ORC4: variants seen among roughly 807,000 people sequenced by gnomAD.
ORC4 encodes the protein origin recognition complex, subunit 4 homolog.
Under a neutral mutation model 63.9 loss-of-function variants are expected in ORC4, and 55 were observed. The ratio of observed to expected loss-of-function variants is 0.86; its 90% CI spans 0.69 to 1.08. ORC4 has a LOEUF of 1.08. Ranked by LOEUF, ORC4 falls within the 50% of genes least tolerant of loss-of-function variation. The pLI is 0.00. For missense variants in ORC4, 511 were observed against 504.4 expected (o/e 1.01, Z -0.13); for synonymous variants, 150 against 168.5 (o/e 0.89, Z 0.85).
intron 10 of ORC4, 79 bp from the exon 11 acceptor site, chr2:147,939,327 G>A (rs1688238513): frequency 2.4e-6 from 2 of 837,338 alleles, no homozygotes; most frequent in Non-Finnish European, 4.1e-6. Context: ...TTCTGAATTT[G>A]TATAGTTAAT....
At position 147,930,879 on chromosome 2, in the gene ORC4, A is replaced by C. The variant is rs1331758691; in HGVS notation, c.*4631T>G. 1 of 149,562 alleles carries C rather than the reference A, an allele frequency of 6.7e-6. No individual in the cohort carries two copies. The highest frequency in any genetic ancestry group is 1.5e-5 in the Non-Finnish European group (1 of 67,388). The allele number at this position is 149,562 out of a possible 1,614,324, so 9.3% of individuals were successfully genotyped here. On this transcript the variant is annotated 3_prime_UTR_variant, in exon 14 of 14. Transcript: ENST00000392857. ...ATGTTTTTTTTTTTTTTTATACTTT[A>C]AGTTTTAGGGTACATGTGCACATTG...
At chr2:147,978,348 T>C (rs1673041778) in intron 1 of ORC4, among the ~76,000 whole-genome samples, 2 of 152,128 alleles carry the variant, frequency 1.3e-5, no homozygotes, top group Non-Finnish European at 2.9e-5. Flanking sequence ...GGGACAGAGA[T>C]TGGCAAGTCT....
At chr2:147,970,503 A>C (rs1573813485) in intron 4 of ORC4, among the ~76,000 whole-genome samples, 1 of 152,174 alleles carries the variant, frequency 6.6e-6, no homozygotes, top group African/African-American at 2.4e-5. Context: ...AAGGGAATAG[A>C]AAGAGAACCT....
At chr2:147,952,633 C>A in intron 7 of ORC4, 109 bp from the exon 8 acceptor site, 1 of 826,718 alleles carries the variant, frequency 1.2e-6, no homozygotes, top group Admixed American at 2.0e-5. Context: ...TGTAAACATT[C>A]TGATAGCCTA....
At chr2:147,994,959 G>T (rs1558869104) in intron 1 of ORC4, among the ~76,000 whole-genome samples, 2 of 152,310 alleles carry the variant, frequency 1.3e-5, no homozygotes, top group South Asian at 4.1e-4. Flanking sequence ...GTCGAGTGGG[G>T]ACTTGGACAA....
chr2:147,987,459 A>G (rs984599178), intron 1 of ORC4, among the ~76,000 whole-genome samples: 2 of 151,396 alleles, frequency 1.3e-5, no homozygotes, highest in Non-Finnish European at 2.9e-5. Flanking sequence ...ACCATAAGGT[A>G]AAAAACAAAA....
rs886495609 is a variant in ORC4, at chr2:147,931,656, G to A, written c.*3854C>T. On this transcript the variant is annotated 3_prime_UTR_variant, in exon 14 of 14. Coordinates refer to ENST00000392857, the MANE Select transcript of ORC4 (RefSeq NM_181741.4). ...GGGATGCAAGGCTGGTTCAATATAC[G>A]CAAATCAATGAATGTAATCCAGCAT... The A allele has an allele frequency of 1.3e-5, 2 of 152,032 alleles. No individual in the cohort carries two copies. Among genetic ancestry groups the A allele is most frequent in the East Asian group, 1.9e-4 (1 of 5,184 alleles). The allele number at this position is 152,032 out of a possible 1,614,324, so 9.4% of individuals were successfully genotyped here.
chr2:148,021,308 G>T, upstream of ORC4: 1 of 394,724 alleles, frequency 2.5e-6, no homozygotes, highest in South Asian at 2.0e-5. Flanking sequence ...AGAGGAGAAG[G>T]AGTTTCTTCT....
rs1188193023 is a variant in ORC4, at chr2:147,938,214, C to CT, written c.1055-2dup. 1 of 1,612,220 alleles carries CT rather than the reference C, an allele frequency of 6.2e-7. No homozygotes were observed. The highest frequency in any genetic ancestry group is 1.7e-5 in the Admixed American group (1 of 59,964). Reference sequence around the variant, plus strand: ...TTCCTTTGAACAAACTTCTGAAACTCTGAGTAGAAAGCAATGACAACATTA... The same window carrying CT: ...TTCCTTTGAACAAACTTCTGAAACTCTTGAGTAGAAAGCAATGACAACATTA... On this transcript the variant is annotated splice_acceptor_variant, in intron 12 of 13. Transcript: ENST00000392857. LOFTEE classifies it high-confidence loss of function.
intron 1 of ORC4, among the ~76,000 whole-genome samples, chr2:147,989,431 C>T (rs562846642): frequency 1.1e-4 from 17 of 152,080 alleles, no homozygotes; most frequent in Admixed American, 2.0e-4. Context: ...TTCGGCTGGG[C>T]GCAGTGGCTC....
rs891190916 is a variant in ORC4, at chr2:147,934,383, T to C, written c.*1127A>G. 7 of 152,192 alleles carry C rather than the reference T, an allele frequency of 4.6e-5. No individual in the cohort carries two copies. The highest frequency in any genetic ancestry group is 1.7e-4 in the African/African-American group (7 of 41,460). 9.4% of individuals were successfully genotyped at this position (152,192 alleles called of 1,614,324 possible). A position where few individuals can be genotyped will look rare whatever the true frequency, so the allele number is the denominator to read the frequency against. On this transcript the variant is annotated 3_prime_UTR_variant, in exon 14 of 14. Coordinates refer to ENST00000392857, the MANE Select transcript of ORC4 (RefSeq NM_181741.4). ...ATCTTGGAACTTACTTAAAAGACAA[T>C]GCTTTGACGGACATTTCCACATTCC...
At chr2:148,016,555 A>G (rs1275536211) in intron 1 of ORC4, among the ~76,000 whole-genome samples, 2 of 152,156 alleles carry the variant, frequency 1.3e-5, no homozygotes, top group African/African-American at 2.4e-5. Flanking sequence ...CATCTGCCAT[A>G]TTCACCTGAC....
chr2:147,949,856 T>C (rs1271952998), intron 8 of ORC4, among the ~76,000 whole-genome samples: 2 of 152,176 alleles, frequency 1.3e-5, no homozygotes, highest in East Asian at 1.9e-4. Flanking sequence ...CCTATGTATA[T>C]TGTTGAAATG....
chr2:147,981,237 A>ATAC (rs1405778057), intron 1 of ORC4, among the ~76,000 whole-genome samples: 1 of 152,146 alleles, frequency 6.6e-6, no homozygotes, highest in Admixed American at 6.5e-5. Context: ...CTCTCTCTAT[A>ATAC]TACTATGTTC....
intron 13 of ORC4, 66 bp from the exon 14 acceptor site, chr2:147,935,764 C>G: frequency 7.5e-6 from 10 of 1,341,586 alleles, no homozygotes; most frequent in South Asian, 1.2e-5. Context: ...CTGTTCTCTC[C>G]CAGAGAACAG....
At chr2:148,003,769 G>A (rs1217819319) in intron 1 of ORC4, among the ~76,000 whole-genome samples, 3 of 152,084 alleles carry the variant, frequency 2.0e-5, no homozygotes, top group Non-Finnish European at 2.9e-5. Context: ...AGGGCAATCA[G>A]GCAAGAGAAA....
intron 8 of ORC4, among the ~76,000 whole-genome samples, chr2:147,949,024 A>G (rs10460260): frequency 0.027 from 4,010 of 147,908 alleles, 118 homozygotes; most frequent in African/African-American, 0.058. Flanking sequence ...TATAATTTAT[A>G]TTATATATGT....
chr2:147,964,021 C>T (rs894212777), intron 4 of ORC4, among the ~76,000 whole-genome samples: 12 of 151,960 alleles, frequency 7.9e-5, no homozygotes, highest in Non-Finnish European at 1.2e-4. Context: ...CTACCTGAGG[C>T]GTATCAATCA....
intron 1 of ORC4, among the ~76,000 whole-genome samples, chr2:147,995,578 T>A (rs1312737136): frequency 6.6e-6 from 1 of 152,090 alleles, no homozygotes; most frequent in Non-Finnish European, 1.5e-5. Context: ...GCTGTAACAC[T>A]CACCAGGAGG....
Sources: allele counts gnomAD v4.1 joint callset (sites outside exome capture counted in the v4.1 genomes callset), GRCh38; gene constraint gnomAD v4.1.1; transcripts MANE v1.5; gene names NCBI Gene and HGNC (gene_info 2026-07-23, HGNC 2026-07-21).